Variants in MAP6 observed in about 807,000 individuals in gnomAD.
MAP6 encodes the protein microtubule associated protein 6.
MAP6 carries 26 observed loss-of-function variants against 42.4 expected under a neutral mutation model. That is an observed-to-expected ratio of 0.61 (90% CI 0.45 to 0.85). The LOEUF (loss-of-function observed/expected upper bound fraction) is 0.85, where lower values mean the gene tolerates loss of function less well. MAP6 is among the 40% of genes least tolerant of loss of function. MAP6 has a pLI of 0.00. For synonymous variants in MAP6, 418 were observed against 443.8 expected (o/e 0.94, Z 0.73); for missense variants, 966 against 1,099.0 (o/e 0.88, Z 1.71).
chr11:75,640,393 G>A (rs893096850), intron 1 of MAP6, among the ~76,000 whole-genome samples: 1 of 152,196 alleles, frequency 6.6e-6, no homozygotes, highest in South Asian at 2.1e-4. Context: ...GAAGGGAATA[G>A]TTTACTAGGA....
chr11:75,608,017 G>T, intron 2 of MAP6, 92 bp downstream of exon 2: 2 of 1,278,658 alleles, frequency 1.6e-6, no homozygotes, highest in Non-Finnish European at 2.2e-6. Context: ...TGGAGGCTGG[G>T]CCAGATTTGA....
chr11:75,649,979 C>T (rs2135675566), intron 1 of MAP6, among the ~76,000 whole-genome samples: 1 of 152,332 alleles, frequency 6.6e-6, no homozygotes, highest in East Asian at 1.9e-4. Flanking sequence ...CAGGCACCAT[C>T]AGACACTTAA....
intron 1 of MAP6, among the ~76,000 whole-genome samples, chr11:75,655,344 A>C (rs114050919): frequency 0.01 from 1,542 of 152,268 alleles, 26 homozygotes; most frequent in African/African-American, 0.035. Flanking sequence ...GGCAGGGGGG[A>C]AAACTGTGAG....
chr11:75,668,399 T>C lies in MAP6; in HGVS notation c.-30A>G, dbSNP rs1453453135. On this transcript the variant is annotated 5_prime_UTR_variant, in exon 1 of 4. Coordinates refer to ENST00000304771, the MANE Select transcript of MAP6 (RefSeq NM_033063.2). ...CTAGCTGAAAAGCCGGCCTCCTCTT[T>C]CTTCTTGTGGTTCTAAAGCAAGTCT... is the stretch of plus-strand genomic sequence containing the variant. 2 of 1,561,122 alleles carry C rather than the reference T, an allele frequency of 1.3e-6. No individual in the cohort carries two copies. Among genetic ancestry groups the C allele is most frequent in the Admixed American group, 1.8e-5 (1 of 56,646 alleles).
At chr11:75,662,744 C>T (rs1485437866) in intron 1 of MAP6, among the ~76,000 whole-genome samples, 2 of 152,126 alleles carry the variant, frequency 1.3e-5, no homozygotes, top group Non-Finnish European at 2.9e-5. Flanking sequence ...TTTTTAAAAA[C>T]TTGGTTGCCC....
intron 3 of MAP6, among the ~76,000 whole-genome samples, chr11:75,598,547 C>G (rs1177241452): frequency 6.6e-6 from 1 of 152,252 alleles, no homozygotes; most frequent in East Asian, 1.9e-4. Flanking sequence ...ATTGACTGCT[C>G]TCTGGTCTGC....
At chr11:75,629,761 G>A (rs1161586108) in intron 1 of MAP6, among the ~76,000 whole-genome samples, 1 of 152,128 alleles carries the variant, frequency 6.6e-6, no homozygotes, top group Non-Finnish European at 1.5e-5. Context: ...ATACTGACAG[G>A]GATGGTGGTA....
intron 3 of MAP6, among the ~76,000 whole-genome samples, chr11:75,588,911 G>A (rs1326889678): frequency 6.6e-6 from 1 of 152,190 alleles, no homozygotes; most frequent in Non-Finnish European, 1.5e-5. Flanking sequence ...TCCAGCTCCT[G>A]ACCTCAAGTG....
At chr11:75,616,501 C>G (rs1321107385) in intron 1 of MAP6, among the ~76,000 whole-genome samples, 1 of 152,202 alleles carries the variant, frequency 6.6e-6, no homozygotes, top group East Asian at 1.9e-4. Context: ...GAAGGGAAAC[C>G]ATCTCCTTCG....
chr11:75,655,444 TTAACGTG>T (rs1327813737), intron 1 of MAP6, among the ~76,000 whole-genome samples: 1 of 152,102 alleles, frequency 6.6e-6, no homozygotes, highest in Non-Finnish European at 1.5e-5. Context: ...CCATATGATT[TTAACGTG>T]CAGCCAGGGC....
chr11:75,664,981 C>T (rs181079873), intron 1 of MAP6, among the ~76,000 whole-genome samples: 2 of 152,202 alleles, frequency 1.3e-5, no homozygotes, highest in Non-Finnish European at 2.9e-5. Context: ...TAATCATTCC[C>T]TTAATATTTC....
chr11:75,630,725 C>G (rs933219288), intron 1 of MAP6, among the ~76,000 whole-genome samples: 7 of 152,164 alleles, frequency 4.6e-5, no homozygotes, highest in Non-Finnish European at 8.8e-5. Flanking sequence ...CTGTATCTCC[C>G]TAAACTCATT....
intron 1 of MAP6, among the ~76,000 whole-genome samples, chr11:75,663,968 C>T (rs1411415722): frequency 6.6e-6 from 1 of 152,216 alleles, no homozygotes; most frequent in East Asian, 1.9e-4. Context: ...AAAAGTTTCT[C>T]ATTAGCATTT....
At position 75,667,791 on chromosome 11, in the gene MAP6, C is replaced by A. The variant is rs1345977558; in HGVS notation, c.579G>T (p.Ala193=). The A allele has an allele frequency of 3.1e-6, 4 of 1,306,562 alleles. No homozygotes were observed. In the Admixed American group the frequency reaches 1.1e-4, roughly 36 times the overall value. The allele number at this position is 1,306,562 out of a possible 1,614,324, so 80.9% of individuals were successfully genotyped here. Residue 193 remains alanine, a synonymous_variant, in exon 1 of 4, where the codon GCG becomes GCT. Transcript: ENST00000304771. The surrounding 1 kb of genome is among the most constrained non-coding windows in gnomAD (Gnocchi z 5.6). ...ASQASAPILG[A]PKRRPQSQER... ...CCTGGCTCTGCGGCCGGCGCTTGGG[C>A]GCCCCGAGAATGGGCGCCGACGCCT...
At chr11:75,616,245 T>C (rs896830474) in intron 1 of MAP6, among the ~76,000 whole-genome samples, 1 of 152,192 alleles carries the variant, frequency 6.6e-6, no homozygotes, top group Non-Finnish European at 1.5e-5. Context: ...ATTTATTATG[T>C]ATCTAAGTAT....
intron 3 of MAP6, among the ~76,000 whole-genome samples, chr11:75,601,783 G>C (rs1279615880): frequency 6.6e-6 from 1 of 151,332 alleles, no homozygotes; most frequent in East Asian, 1.9e-4. Flanking sequence ...CCTCCCAAGG[G>C]AGCTACCCCC....
At chr11:75,627,713 C>T (rs1943220559) in intron 1 of MAP6, among the ~76,000 whole-genome samples, 1 of 152,194 alleles carries the variant, frequency 6.6e-6, no homozygotes, top group Non-Finnish European at 1.5e-5. Context: ...GGAGTAGACA[C>T]TGTTATTATC....
rs11236463 is a variant in MAP6 at position 75,598,241 on chromosome 11, C to T, written c.1316+7567G>A. Among the ~76,000 whole-genome samples, 871 of 152,290 alleles carry T rather than the reference C, an allele frequency of 5.7e-3. 8 individuals carry two copies. Among genetic ancestry groups the T allele is most frequent in the African/African-American group, 0.02 (833 of 41,556 alleles). ...GGAGGCTTAAAGAAATTAAGAGACT[C>T]AGTTAAGGTCACACAGCTAGTAAAT... On this transcript the variant is annotated intron_variant, in intron 3 of 3. Transcript: ENST00000304771.
At chr11:75,614,843 C>T (rs753443306) in intron 1 of MAP6, among the ~76,000 whole-genome samples, 32 of 152,334 alleles carry the variant, frequency 2.1e-4, no homozygotes, top group Non-Finnish European at 1.9e-4. Context: ...ATACTTGTGT[C>T]ATCTCAGCAA....
Sources: allele counts gnomAD v4.1 joint callset (sites outside exome capture counted in the v4.1 genomes callset), GRCh38; gene constraint gnomAD v4.1.1; non-coding constraint Gnocchi (gnomAD v3.1); transcripts MANE v1.5; gene names NCBI Gene and HGNC (gene_info 2026-07-23, HGNC 2026-07-21).